GPSM2: variants seen among roughly 807,000 people sequenced by gnomAD.
GPSM2 encodes G protein signaling modulator 2.
A neutral mutation model predicts 78.4 loss-of-function variants in GPSM2; 58 were observed. That is an observed-to-expected ratio of 0.74 (90% CI 0.60 to 0.92). The LOEUF is 0.92. GPSM2 is among the 40% of genes least tolerant of loss of function. The probability of loss-of-function intolerance (pLI) is 0.00; values close to 1 mark genes in which losing one functional copy is unlikely to be tolerated. For missense variants in GPSM2, 700 were observed against 815.5 expected, an observed-to-expected ratio of 0.86 and a Z score of 1.73; for synonymous variants, 224 against 280.2, an observed-to-expected ratio of 0.80 and a Z score of 2.00.
In GPSM2 at chr1:108,930,270, A is replaced by G. The variant is rs1466965968; in HGVS notation, c.*330A>G. 3 of 218,994 alleles carry G rather than the reference A, an allele frequency of 1.4e-5. No homozygotes were observed. Among genetic ancestry groups the G allele is most frequent in the Non-Finnish European group, 2.7e-5 (3 of 110,688 alleles). 13.6% of individuals were successfully genotyped at this position (218,994 alleles called of 1,614,324 possible). On this transcript the variant is annotated 3_prime_UTR_variant, in exon 15 of 15. Coordinates refer to ENST00000264126, the MANE Select transcript of GPSM2 (RefSeq NM_013296.5). ...AGAATTTAATACTCTTATGGAAATAATTTTTTAACATCTTAATTGACAATG... is the reference window on the plus strand; with the variant it reads ...AGAATTTAATACTCTTATGGAAATAGTTTTTTAACATCTTAATTGACAATG...
rs1283395698 is a variant in GPSM2, at chr1:108,931,313, A to G, written c.*1373A>G. The G allele has an allele frequency of 4.5e-6, 7 of 1,544,808 alleles. No homozygotes were observed. In the East Asian group the frequency reaches 1.7e-4, roughly 38 times the overall value. On this transcript the variant is annotated 3_prime_UTR_variant, in exon 15 of 15. Coordinates refer to ENST00000264126, the MANE Select transcript of GPSM2 (RefSeq NM_013296.5). ...TTAAGCTTTGTCTTCCTTATCCCAG[A>G]TATTGAAGGCAGTTTACAAGGGGAT...
intron 7 of GPSM2, among the ~76,000 whole-genome samples, chr1:108,901,500 A>T (rs911580835): frequency 9.2e-5 from 14 of 152,222 alleles, no homozygotes; most frequent in African/African-American, 3.4e-4. Context: ...TAAAGATATT[A>T]TGTTAATCTC....
At chr1:108,878,609 C>G (rs1474137287) in intron 1 of GPSM2, among the ~76,000 whole-genome samples, 5 of 152,016 alleles carry the variant, frequency 3.3e-5, no homozygotes, top group African/African-American at 1.2e-4. Context: ...TTTCTAAGAT[C>G]TATCTTTAGA....
chr1:108,897,670 A>G (rs1648475972), intron 4 of GPSM2, 43 bp downstream of exon 4: 1 of 1,561,126 alleles, frequency 6.4e-7, no homozygotes, highest in Admixed American at 1.7e-5. Flanking sequence ...ATTTTCATTC[A>G]AAGGGCTTTG....
chr1:108,916,560 CT>C (rs1375095981), intron 11 of GPSM2, among the ~76,000 whole-genome samples: 1 of 152,144 alleles, frequency 6.6e-6, no homozygotes, highest in Non-Finnish European at 1.5e-5. Flanking sequence ...TTTTTAAAAG[CT>C]TTTAAAAAGG....
chr1:108,897,894 C>A, intron 4 of GPSM2, 65 bp from the exon 5 acceptor site: 2 of 1,535,514 alleles, frequency 1.3e-6, no homozygotes, highest in Non-Finnish European at 1.8e-6. Flanking sequence ...AAGGATATTA[C>A]AAATATATAT....
chr1:108,915,108 C>T (rs1000335791), intron 11 of GPSM2, among the ~76,000 whole-genome samples: 6 of 151,992 alleles, frequency 3.9e-5, no homozygotes, highest in African/African-American at 7.2e-5. Flanking sequence ...CACGGTGGCT[C>T]GCGCCTGTAA....
At chr1:108,921,009 C>G (rs552673580) in intron 12 of GPSM2, among the ~76,000 whole-genome samples, 1 of 152,280 alleles carries the variant, frequency 6.6e-6, no homozygotes, top group Non-Finnish European at 1.5e-5. Flanking sequence ...TCAGTCACTC[C>G]TGTTTTCCTT....
intron 2 of GPSM2, among the ~76,000 whole-genome samples, chr1:108,890,241 C>A (rs1647876440): frequency 6.6e-6 from 1 of 152,210 alleles, no homozygotes; most frequent in African/African-American, 2.4e-5. Flanking sequence ...TGTGGTCACT[C>A]CTCAGCAGCC....
chr1:108,905,932 T>A (rs775207862), intron 10 of GPSM2, among the ~76,000 whole-genome samples: 5 of 152,240 alleles, frequency 3.3e-5, no homozygotes, highest in Non-Finnish European at 7.3e-5. Context: ...TACTGGCTAT[T>A]GGACAGCACA....
intron 1 of GPSM2, among the ~76,000 whole-genome samples, chr1:108,878,628 ATTAG>A (rs898901057): frequency 3.3e-5 from 5 of 152,212 alleles, no homozygotes; most frequent in Admixed American, 2.6e-4. Flanking sequence ...GAAATTTGTA[ATTAG>A]TTCTCTGGAA....
rs144588837 is a variant in GPSM2, at chr1:108,882,380, G to A, written c.-248-2895G>A. Among the ~76,000 whole-genome samples, 565 of 152,190 alleles carry A rather than the reference G, an allele frequency of 3.7e-3. 4 individuals carry two copies. Among genetic ancestry groups the A allele is most frequent in the African/African-American group, 0.013 (541 of 41,534 alleles). On this transcript the variant is annotated intron_variant, in intron 1 of 14. Transcript: ENST00000264126. ...TATAGTATTTGCATATAACCTATAC[G>A]CATCTTCCCACAAACTTTTAATCCT...
chr1:108,887,995 A>T (rs1647694862), intron 2 of GPSM2, among the ~76,000 whole-genome samples: 1 of 152,212 alleles, frequency 6.6e-6, no homozygotes, highest in African/African-American at 2.4e-5. Context: ...ACGATAAAAT[A>T]AATGCAAACT....
chr1:108,904,631 T>TA (rs1649089208), intron 10 of GPSM2, among the ~76,000 whole-genome samples: 1 of 151,898 alleles, frequency 6.6e-6, no homozygotes, highest in Admixed American at 6.6e-5. Flanking sequence ...TTATCCTTTT[T>TA]ATCTCATATC....
At chr1:108,913,667 G>A (rs1208457972) in intron 10 of GPSM2, among the ~76,000 whole-genome samples, 1 of 152,228 alleles carries the variant, frequency 6.6e-6, no homozygotes, top group African/African-American at 2.4e-5. Flanking sequence ...GGGAAATTAT[G>A]AGGGGAGTTA....
At chr1:108,909,932 A>G (rs1390701210) in intron 10 of GPSM2, 1 of 150,712 alleles carries the variant, frequency 6.6e-6, no homozygotes, top group Non-Finnish European at 1.5e-5. Context: ...AAAAAAGGAA[A>G]AAGGCTGAAA....
At position 108,899,017 on chromosome 1, in the gene GPSM2, TA is replaced by T. The variant is rs749945062; in HGVS notation, c.797+26del. On this transcript the variant is annotated intron_variant, in intron 7 of 14. Transcript: ENST00000264126. ...CAAGTTAGTCTAATATTTCTGTAGA[TA>T]AATGTAAAATGAATACTCAGTCCCA... The T allele has an allele frequency of 7.3e-5, 95 of 1,301,998 alleles. No homozygotes were observed. In the South Asian group the frequency reaches 1.1e-3, roughly 15 times the overall value. The allele number at this position is 1,301,998 out of a possible 1,614,324, so 80.7% of individuals were successfully genotyped here.
chr1:108,888,331 C>T (rs1218443877), intron 2 of GPSM2, among the ~76,000 whole-genome samples: 3 of 151,888 alleles, frequency 2.0e-5, no homozygotes, highest in African/African-American at 4.8e-5. Flanking sequence ...GGATTACAGG[C>T]GTGAGCCACT....
Position 108,898,057 on chromosome 1 carries a change from A to C in GPSM2, c.513A>C (p.Pro171=), listed in dbSNP as rs762149718. The C allele has an allele frequency of 6.2e-7, 1 of 1,613,504 alleles. No individual in the cohort carries two copies. The highest frequency in any genetic ancestry group is 1.1e-5 in the South Asian group (1 of 91,076). The part of the protein sequence containing the change: ...CPGPQDVGEF[P]EEVRDALQAA... ...GTCCCCAGGATGTAGGAGAATTTCC[A>C]GAAGAAGTGAGAGATGCTCTGCAGG... Residue 171 remains proline, a synonymous_variant, in exon 5 of 15, where the codon CCA becomes CCC. Transcript: ENST00000264126.
Sources: allele counts gnomAD v4.1 joint callset (sites outside exome capture counted in the v4.1 genomes callset), GRCh38; gene constraint gnomAD v4.1.1; transcripts MANE v1.5; gene names NCBI Gene and HGNC (gene_info 2026-07-23, HGNC 2026-07-21).